Variants in CAPN7 observed in about 807,000 individuals in gnomAD.
CAPN7 encodes the protein calpain-7.
In CAPN7, 72 loss-of-function variants were observed where a neutral mutation model predicts 115.2. The observed-to-expected ratio is 0.63, with a 90% CI of 0.52 to 0.76. CAPN7 has a LOEUF of 0.76. Ranked by LOEUF, CAPN7 falls within the 30% of genes least tolerant of loss-of-function variation. The pLI, the probability that CAPN7 is intolerant of heterozygous loss-of-function variation, is 0.00. For synonymous variants in CAPN7, 344 were observed against 322.3 expected (o/e 1.07, Z -0.72); for missense variants, 905 against 971.5 (o/e 0.93, Z 0.91).
chr3:15,230,538 G>A lies in CAPN7; in HGVS notation c.1032+3G>A, dbSNP rs1174817035. The A allele has an allele frequency of 6.4e-7, 1 of 1,563,868 alleles. No homozygotes were observed. The highest frequency in any genetic ancestry group is 8.8e-7 in the Non-Finnish European group (1 of 1,135,200). On this transcript the variant is annotated splice_donor_region_variant and intron_variant, in intron 9 of 20. Transcript: ENST00000253693. ...ACCTCAATGGTGTCCCAAGAAAGGT[G>A]AATAATGTCTCTCCCCACTCCCATC...
At chr3:15,213,199 A>G (rs987482005) in intron 2 of CAPN7, among the ~76,000 whole-genome samples, 2 of 152,234 alleles carry the variant, frequency 1.3e-5, no homozygotes, top group South Asian at 4.1e-4. Flanking sequence ...ACTGCCCAAT[A>G]TTAGGAACTT....
intron 10 of CAPN7, among the ~76,000 whole-genome samples, chr3:15,233,468 T>C (rs1034988835): frequency 2.0e-5 from 3 of 152,342 alleles, no homozygotes; most frequent in Admixed American, 6.5e-5. Flanking sequence ...AGTTTAGCTT[T>C]CTAATTGTTG....
chr3:15,218,646 T>C, intron 4 of CAPN7, 106 bp downstream of exon 4: 2 of 782,094 alleles, frequency 2.6e-6, no homozygotes, highest in Non-Finnish European at 4.4e-6. Context: ...CTCCATCTTT[T>C]AACTGTCATC....
chr3:15,216,640 A>G (rs746306043), intron 2 of CAPN7, among the ~76,000 whole-genome samples: 24 of 152,200 alleles, frequency 1.6e-4, no homozygotes, highest in Non-Finnish European at 3.2e-4. Flanking sequence ...CAGGAACTTT[A>G]TCATCAGAGC....
Position 15,220,990 on chromosome 3 carries a change from G to T in CAPN7, c.638+9G>T, listed in dbSNP as rs746652854. The T allele has an allele frequency of 1.4e-5, 23 of 1,605,846 alleles. 1 individual carries two copies. In the South Asian group the frequency reaches 1.4e-4, roughly 10 times the overall value. ...GAAATAGAAGTACTCAGGTAAATAA[G>T]TTTACAATTAATTGTAATGAAGAAT... On this transcript the variant is annotated intron_variant, in intron 5 of 20. Coordinates refer to ENST00000253693, the MANE Select transcript of CAPN7 (RefSeq NM_014296.3).
chr3:15,220,436 C>G (rs2124912775), intron 4 of CAPN7, among the ~76,000 whole-genome samples: 1 of 152,098 alleles, frequency 6.6e-6, no homozygotes, highest in South Asian at 2.1e-4. Context: ...TACTTTCATC[C>G]TAGTATCTGT....
At chr3:15,238,224 C>T (rs1435703616) in intron 12 of CAPN7, among the ~76,000 whole-genome samples, 1 of 149,384 alleles carries the variant, frequency 6.7e-6, no homozygotes, top group Non-Finnish European at 1.5e-5. Context: ...TGCCATTCTC[C>T]TGCCTCAGCC....
At chr3:15,228,247 G>T (rs566258837) in intron 7 of CAPN7, among the ~76,000 whole-genome samples, 1 of 152,234 alleles carries the variant, frequency 6.6e-6, no homozygotes, top group South Asian at 2.1e-4. Flanking sequence ...TAAAGGAATA[G>T]ATATCAGCAA....
intron 10 of CAPN7, among the ~76,000 whole-genome samples, chr3:15,233,456 T>C (rs868853715): frequency 6.6e-6 from 1 of 152,202 alleles, no homozygotes; most frequent in East Asian, 1.9e-4. Flanking sequence ...TCACATACTT[T>C]TAGTTTAGCT....
At chr3:15,234,072 A>G (rs1211672931) in intron 11 of CAPN7, 99 bp downstream of exon 11, 7 of 621,544 alleles carry the variant, frequency 1.1e-5, no homozygotes, top group African/African-American at 3.8e-5. Context: ...TCCCAGCACT[A>G]TGGGAGGCCA....
chr3:15,244,666 T>C (rs1695551372), intron 16 of CAPN7, among the ~76,000 whole-genome samples: 1 of 152,226 alleles, frequency 6.6e-6, no homozygotes, highest in Non-Finnish European at 1.5e-5. Context: ...TAACATATAG[T>C]AATTGTCATG....
intron 19 of CAPN7, 87 bp from the exon 20 acceptor site, chr3:15,250,844 A>G: frequency 3.4e-6 from 3 of 887,562 alleles, no homozygotes; most frequent in Non-Finnish European, 5.4e-6. Flanking sequence ...TAAACTTAGT[A>G]TGACATCTGC....
At chr3:15,231,534 CTT>C (rs554157490) in intron 9 of CAPN7, among the ~76,000 whole-genome samples, 3 of 145,400 alleles carry the variant, frequency 2.1e-5, no homozygotes, top group Non-Finnish European at 3.0e-5. Flanking sequence ...TCTGAGAACA[CTT>C]TTTTTTTTTT....
intron 2 of CAPN7, among the ~76,000 whole-genome samples, chr3:15,214,744 G>A (rs951704522): frequency 7.9e-5 from 12 of 152,138 alleles, no homozygotes; most frequent in African/African-American, 2.7e-4. Flanking sequence ...ATTAACCGTC[G>A]TAGTACAGAG....
rs140577518 is a variant in CAPN7 at position 15,217,025 on chromosome 3, C to A, written c.212-400C>A. ...GGCTGAAACTGGCAGATTGCTTGAG[C>A]CTGGGAGTTCAAGACCAGCCTGGGC... On this transcript the variant is annotated intron_variant, in intron 2 of 20. Coordinates refer to ENST00000253693, the MANE Select transcript of CAPN7 (RefSeq NM_014296.3). Among the ~76,000 whole-genome samples, 1,089 of 151,350 alleles carry A rather than the reference C, an allele frequency of 7.2e-3. 12 individuals are homozygous for A. The highest frequency in any genetic ancestry group is 0.023 in the African/African-American group (957 of 41,240).
At chr3:15,238,653 C>T (rs903396400) in intron 12 of CAPN7, among the ~76,000 whole-genome samples, 3 of 152,004 alleles carry the variant, frequency 2.0e-5, no homozygotes, top group African/African-American at 7.2e-5. Flanking sequence ...ATTTTAGTCT[C>T]AGCGATTCTC....
chr3:15,218,797 ACCT>A (rs1420075972), intron 4 of CAPN7, among the ~76,000 whole-genome samples: 1 of 152,130 alleles, frequency 6.6e-6, no homozygotes, highest in African/African-American at 2.4e-5. Flanking sequence ...GCAATGGAGG[ACCT>A]CCTTTCTGTT....
rs1297974047 is a variant in CAPN7, at chr3:15,227,945, TC to T, written c.834del (p.Ser279ValfsTer4). On this transcript the variant is annotated frameshift_variant, in exon 7 of 21. Transcript: ENST00000253693. LOFTEE classifies it high-confidence loss of function. ...TNNPTMIYTV[S>X]SFSIKQTIVS... is the part of the protein sequence containing the mutation. The stretch of plus-strand genomic sequence containing the variant: ...CAATCCTACAATGATATATACTGTG[TC>T]CAGTTTTAGCATAAAGCAGGTGAGC... 4.8e-6 allele frequency: 7 copies of T among 1,470,494 alleles called. No homozygotes were observed. The highest frequency in any genetic ancestry group is 6.3e-6 in the Non-Finnish European group (7 of 1,109,898). 91.1% of individuals were successfully genotyped at this position (1,470,494 alleles called of 1,614,324 possible).
At chr3:15,233,697 C>T (rs1694827317) in intron 10 of CAPN7, among the ~76,000 whole-genome samples, 170 bp from the exon 11 acceptor site, 1 of 152,116 alleles carries the variant, frequency 6.6e-6, no homozygotes, top group Non-Finnish European at 1.5e-5. Flanking sequence ...TGTTCAAATT[C>T]AGTTAGGAAT....
Sources: allele counts gnomAD v4.1 joint callset (sites outside exome capture counted in the v4.1 genomes callset), GRCh38; gene constraint gnomAD v4.1.1; transcripts MANE v1.5; gene names NCBI Gene and HGNC (gene_info 2026-07-23, HGNC 2026-07-21).